The following ZNF474 variants were observed in gnomAD, a reference collection of about 807,000 sequenced individuals.
The protein encoded by ZNF474 is 4933409D10Rik.
For synonymous variants in ZNF474, 192 were observed against 162.2 expected, an observed-to-expected ratio of 1.18 and a Z score of -1.39; for missense variants, 511 against 433.8, an observed-to-expected ratio of 1.18 and a Z score of -1.58.
intron 1 of ZNF474, among the ~76,000 whole-genome samples, chr5:122,144,607 G>T (rs1755937420): frequency 6.6e-6 from 1 of 152,168 alleles, no homozygotes; most frequent in East Asian, 1.9e-4. Flanking sequence ...ACATAGCTAT[G>T]GACCAGATGT....
intron 1 of ZNF474, among the ~76,000 whole-genome samples, chr5:122,143,776 G>T (rs1294615272): frequency 1.3e-5 from 2 of 151,898 alleles, no homozygotes; most frequent in African/African-American, 4.8e-5. Context: ...TCTTTTAATT[G>T]GCTGATTATT....
intron 1 of ZNF474, among the ~76,000 whole-genome samples, chr5:122,146,387 A>G (rs1755990090): frequency 1.3e-5 from 2 of 152,184 alleles, no homozygotes; most frequent in Admixed American, 1.3e-4. Context: ...TCTTAAAAGA[A>G]TCTCTAAAAA....
intron 1 of ZNF474, among the ~76,000 whole-genome samples, chr5:122,137,619 T>C (rs921897106): frequency 6.6e-6 from 1 of 151,936 alleles, no homozygotes; most frequent in African/African-American, 2.4e-5. Flanking sequence ...CCTCCCCCAG[T>C]CTACCCCAAA....
chr5:122,135,014 A>G (rs573254120), intron 1 of ZNF474, among the ~76,000 whole-genome samples: 10 of 152,224 alleles, frequency 6.6e-5, no homozygotes, highest in Non-Finnish European at 1.3e-4. Flanking sequence ...ACAGCCAGCT[A>G]AAAAGCTTCT....
chr5:122,130,821 A>G (rs771133768), intron 1 of ZNF474, among the ~76,000 whole-genome samples: 2 of 152,174 alleles, frequency 1.3e-5, no homozygotes, highest in Non-Finnish European at 2.9e-5. Context: ...TATTCATCAT[A>G]TCACATAGTT....
intron 1 of ZNF474, among the ~76,000 whole-genome samples, chr5:122,136,518 C>T (rs575902226): frequency 8.5e-5 from 13 of 152,290 alleles, no homozygotes; most frequent in Admixed American, 2.6e-4. Context: ...TAGGTCCATT[C>T]TCTAGGGAGC....
chr5:122,135,180 G>A (rs1018374636), intron 1 of ZNF474, among the ~76,000 whole-genome samples: 9 of 152,120 alleles, frequency 5.9e-5, no homozygotes, highest in Admixed American at 2.0e-4. Flanking sequence ...TTTTTAAAAT[G>A]GGCAAAAAGC....
Position 122,152,959 on chromosome 5 carries a change from A to C in ZNF474, c.969A>C (p.Lys323Asn). The change falls in exon 2 of 2, where the codon AAA (lysine) becomes AAC (asparagine). Residue 323 changes from lysine (K) to asparagine (N), a missense_variant. Lys to Asn is a moderately conservative substitution (Grantham distance 94). Coordinates refer to ENST00000296600, the MANE Select transcript of ZNF474 (RefSeq NM_207317.3). ...ATCAGAATTTGAATTTAGGGAGTAA[A>C]GGAGGCCTAAAAGAGTACACTAATT... ...PKYQNLNLGS[K>N]GGLKEYTNSK... is the part of the protein sequence containing the mutation. 1 of 1,614,068 alleles carries C rather than the reference A, an allele frequency of 6.2e-7. No homozygotes were observed. The highest frequency in any genetic ancestry group is 8.5e-7 in the Non-Finnish European group (1 of 1,180,050).
At position 122,153,251 on chromosome 5, in the gene ZNF474, A is replaced by T; in HGVS notation, c.*166A>T. ...ATAGATATAAGAACATCCTTGCCTGATGGGTTCATATTCCTCTTCAATTCT... is the reference window on the plus strand; with the variant it reads ...ATAGATATAAGAACATCCTTGCCTGTTGGGTTCATATTCCTCTTCAATTCT... On this transcript the variant is annotated 3_prime_UTR_variant, in exon 2 of 2. Coordinates refer to ENST00000296600, the MANE Select transcript of ZNF474 (RefSeq NM_207317.3). 1.3e-6 allele frequency: 1 copy of T among 758,314 alleles called. No individual in the cohort carries two copies. The highest frequency in any genetic ancestry group is 2.1e-6 in the Non-Finnish European group (1 of 484,914). The allele number at this position is 758,314 out of a possible 1,614,324, so 47.0% of individuals were successfully genotyped here. A position where few individuals can be genotyped will look rare whatever the true frequency, so the allele number is the denominator to read the frequency against.
At chr5:122,149,445 C>T (rs1261892383) in intron 1 of ZNF474, among the ~76,000 whole-genome samples, 1 of 152,130 alleles carries the variant, frequency 6.6e-6, no homozygotes, top group East Asian at 1.9e-4. Context: ...TAAAAGGAAG[C>T]ATAACAGCTG....
intron 1 of ZNF474, among the ~76,000 whole-genome samples, chr5:122,138,919 G>GA (rs2152604278): frequency 6.6e-6 from 1 of 152,182 alleles, no homozygotes; most frequent in Non-Finnish European, 1.5e-5. Flanking sequence ...TGAAAGAATG[G>GA]AAAAATATAT....
rs994458463 is a variant in ZNF474, at chr5:122,151,832, T to C, written c.-159T>C. On this transcript the variant is annotated 5_prime_UTR_variant, in exon 2 of 2. Coordinates refer to ENST00000296600, the MANE Select transcript of ZNF474 (RefSeq NM_207317.3). ...GACTTTCCAACATTCCAGACTGCCGTCCTGCAATGAAGCTCTGAGTCACGG... is the reference window on the plus strand; with the variant it reads ...GACTTTCCAACATTCCAGACTGCCGCCCTGCAATGAAGCTCTGAGTCACGG... 9.8e-6 allele frequency: 8 copies of C among 816,488 alleles called. No homozygotes were observed. Among genetic ancestry groups the C allele is most frequent in the African/African-American group, 8.7e-5 (5 of 57,708 alleles). 50.6% of individuals were successfully genotyped at this position (816,488 alleles called of 1,614,324 possible). A position where few individuals can be genotyped will look rare whatever the true frequency, so the allele number is the denominator to read the frequency against.
chr5:122,152,670 G>A lies in ZNF474; in HGVS notation c.680G>A (p.Cys227Tyr), dbSNP rs769746968. 5.6e-6 allele frequency: 9 copies of A among 1,614,190 alleles called. No homozygotes were observed. In the Middle Eastern group the frequency reaches 4.9e-4, roughly 89 times the overall value. ...ARPRTVICYI[C>Y]GKEFGTLSLP... ...CCAAGGACTGTTATCTGCTACATATGTGGTAAGGAATTTGGCACCCTGTCC... is the reference window on the plus strand; with the variant it reads ...CCAAGGACTGTTATCTGCTACATATATGGTAAGGAATTTGGCACCCTGTCC... Residue 227 changes from cysteine (C) to tyrosine (Y), a missense_variant, in exon 2 of 2, where the codon TGT becomes TAT. Coordinates refer to ENST00000296600, the MANE Select transcript of ZNF474 (RefSeq NM_207317.3).
At chr5:122,130,879 A>G (rs897800553) in intron 1 of ZNF474, among the ~76,000 whole-genome samples, 2 of 152,108 alleles carry the variant, frequency 1.3e-5, no homozygotes, top group Non-Finnish European at 2.9e-5. Context: ...CTATCTTAAC[A>G]CATTTCAATT....
intron 1 of ZNF474, among the ~76,000 whole-genome samples, chr5:122,144,277 TTGAAG>T (rs1452630533): frequency 6.6e-6 from 1 of 152,208 alleles, no homozygotes; most frequent in Non-Finnish European, 1.5e-5. Flanking sequence ...TCTCAGTTCC[TTGAAG>T]TGATTTTCAA....
In ZNF474 at chr5:122,149,316, C is replaced by T. The variant is rs114513058; in HGVS notation, c.-212-2463C>T. On this transcript the variant is annotated intron_variant, in intron 1 of 1. Coordinates refer to ENST00000296600, the MANE Select transcript of ZNF474 (RefSeq NM_207317.3). ...AAGTTGAAGAAAAAAAGTCCCCTGT[C>T]ACTTAACATTGAAAACATTGTGTTC... 2.0e-3 allele frequency among the ~76,000 whole-genome samples: 300 copies of T among 152,280 alleles called. 2 individuals are homozygous for T. The highest frequency in any genetic ancestry group is 7.0e-3 in the African/African-American group (292 of 41,542).
At position 122,151,812 on chromosome 5, in the gene ZNF474, T is replaced by C. The variant is rs1756184258; in HGVS notation, c.-179T>C. On this transcript the variant is annotated 5_prime_UTR_variant, in exon 2 of 2. Coordinates refer to ENST00000296600, the MANE Select transcript of ZNF474 (RefSeq NM_207317.3). ...GACATCTCAGCTTTAATGAGGACTT[T>C]CCAACATTCCAGACTGCCGTCCTGC... 1.4e-6 allele frequency: 1 copy of C among 694,118 alleles called. No homozygotes were observed. The highest frequency in any genetic ancestry group is 1.8e-5 in the African/African-American group (1 of 55,400). 43.0% of individuals were successfully genotyped at this position (694,118 alleles called of 1,614,324 possible). A position where few individuals can be genotyped will look rare whatever the true frequency, so the allele number is the denominator to read the frequency against.
chr5:122,143,549 A>G (rs1239850462), intron 1 of ZNF474, among the ~76,000 whole-genome samples: 4 of 152,168 alleles, frequency 2.6e-5, no homozygotes, highest in Non-Finnish European at 4.4e-5. Context: ...TATAGATCTC[A>G]TTCTAGGTCG....
chr5:122,130,067 G>A (rs141321457), intron 1 of ZNF474, among the ~76,000 whole-genome samples: 108 of 152,108 alleles, frequency 7.1e-4, no homozygotes, highest in African/African-American at 2.4e-3. Context: ...ATGAAGTCAG[G>A]TTTTAACATT....
Sources: gnomAD v4.1 joint callset for allele counts (sites outside exome capture counted in the v4.1 genomes callset) on GRCh38, gnomAD v4.1.1 for gene constraint, MANE v1.5 for transcripts, NCBI Gene and HGNC (gene_info 2026-07-23, HGNC 2026-07-21) for gene names.